Variants in GABRB1 observed in about 807,000 individuals in gnomAD.
GABRB1 encodes gamma-aminobutyric acid type A receptor subunit beta1.
Under a neutral mutation model 51.6 loss-of-function variants are expected in GABRB1, and 17 were observed. The ratio of observed to expected loss-of-function variants is 0.33; its 90% confidence interval spans 0.23 to 0.49. The LOEUF is 0.49. Among genes scored for constraint, GABRB1 ranks in the 20% least tolerant of loss-of-function variants. The pLI, the probability that GABRB1 is intolerant of heterozygous loss-of-function variation, is 0.99. For missense variants in GABRB1, 410 were observed against 600.6 expected, an observed-to-expected ratio of 0.68 and a Z score of 3.32; for synonymous variants, 247 against 218.9, an observed-to-expected ratio of 1.13 and a Z score of -1.14.
intron 4 of GABRB1, among the ~76,000 whole-genome samples, chr4:47,181,746 C>A (rs1299817918): frequency 6.6e-6 from 1 of 151,930 alleles, no homozygotes; most frequent in Admixed American, 6.6e-5. Flanking sequence ...TTACTATTTC[C>A]TCAAAGGCAA....
intron 1 of GABRB1, among the ~76,000 whole-genome samples, chr4:47,001,442 A>T (rs949242239): frequency 6.6e-6 from 1 of 152,144 alleles, no homozygotes; most frequent in Non-Finnish European, 1.5e-5. Flanking sequence ...ATGCCCGGCC[A>T]GATATTATTT....
chr4:47,414,714 A>G (rs1014358400), intron 8 of GABRB1, among the ~76,000 whole-genome samples: 1 of 152,130 alleles, frequency 6.6e-6, no homozygotes, highest in Non-Finnish European at 1.5e-5. Flanking sequence ...CTTCTCTCCC[A>G]TTCCTGTTCT....
At chr4:47,203,638 T>A (rs1308782321) in intron 4 of GABRB1, among the ~76,000 whole-genome samples, 1 of 151,934 alleles carries the variant, frequency 6.6e-6, no homozygotes, top group Non-Finnish European at 1.5e-5. Flanking sequence ...AACACAGAGG[T>A]GTCCTGCTTG....
At chr4:47,062,892 A>C (rs1025230113) in intron 3 of GABRB1, among the ~76,000 whole-genome samples, 5 of 152,176 alleles carry the variant, frequency 3.3e-5, no homozygotes, top group Non-Finnish European at 7.4e-5. Context: ...ACCACCACCC[A>C]AAACCAAGCC....
At chr4:46,999,511 A>G (rs1405132640) in intron 1 of GABRB1, among the ~76,000 whole-genome samples, 1 of 152,242 alleles carries the variant, frequency 6.6e-6, no homozygotes, top group Non-Finnish European at 1.5e-5. Context: ...TGGATACATT[A>G]CATTGTGGTG....
chr4:47,272,438 A>G (rs188629922), intron 4 of GABRB1, among the ~76,000 whole-genome samples: 1 of 152,266 alleles, frequency 6.6e-6, no homozygotes, highest in African/African-American at 2.4e-5. Context: ...TGGCATGATT[A>G]CATATGAAAA....
At chr4:47,358,128 T>C (rs544505813) in intron 5 of GABRB1, among the ~76,000 whole-genome samples, 5 of 152,200 alleles carry the variant, frequency 3.3e-5, no homozygotes, top group African/African-American at 1.2e-4. Flanking sequence ...AGAGCTAACA[T>C]TGAACTCAGC....
chr4:47,193,959 C>G (rs1719546357), intron 4 of GABRB1, among the ~76,000 whole-genome samples: 1 of 152,064 alleles, frequency 6.6e-6, no homozygotes, highest in South Asian at 2.1e-4. Flanking sequence ...ATGCAAAATG[C>G]ATTATTTCAG....
chr4:47,113,786 T>A (rs917435419), intron 3 of GABRB1, among the ~76,000 whole-genome samples: 1 of 152,254 alleles, frequency 6.6e-6, no homozygotes, highest in Non-Finnish European at 1.5e-5. Flanking sequence ...GTTTCACCAA[T>A]AAATCCAAAT....
intron 3 of GABRB1, among the ~76,000 whole-genome samples, chr4:47,097,118 T>A (rs1714479316): frequency 6.6e-6 from 1 of 152,186 alleles, no homozygotes; most frequent in Non-Finnish European, 1.5e-5. Flanking sequence ...TCTCTTCTAC[T>A]CAAAAGCAAG....
intron 3 of GABRB1, among the ~76,000 whole-genome samples, chr4:47,105,571 A>G (rs910841279): frequency 3.3e-5 from 5 of 152,172 alleles, no homozygotes; most frequent in Admixed American, 1.3e-4. Context: ...ACCAGTGGAG[A>G]TGTTATTTTC....
chr4:47,276,228 G>T (rs531206425), intron 4 of GABRB1, among the ~76,000 whole-genome samples: 2 of 152,146 alleles, frequency 1.3e-5, no homozygotes, highest in East Asian at 3.9e-4. Flanking sequence ...GCAATAATAT[G>T]AACATGCAAG....
At chr4:47,384,864 TA>T (rs1727731848) in intron 5 of GABRB1, among the ~76,000 whole-genome samples, 1 of 152,206 alleles carries the variant, frequency 6.6e-6, no homozygotes, top group African/African-American at 2.4e-5. Flanking sequence ...TTTTATTTTT[TA>T]AAATAAAGCA....
At chr4:47,087,178 C>T (rs1351780116) in intron 3 of GABRB1, among the ~76,000 whole-genome samples, 5 of 152,162 alleles carry the variant, frequency 3.3e-5, no homozygotes, top group African/African-American at 1.2e-4. Flanking sequence ...CAGGCTGTTA[C>T]TCCATCACCA....
At chr4:47,236,793 C>T (rs183407563) in intron 4 of GABRB1, among the ~76,000 whole-genome samples, 2 of 152,256 alleles carry the variant, frequency 1.3e-5, no homozygotes, top group East Asian at 3.9e-4. Flanking sequence ...TGTTCTTAAG[C>T]TCTCCATTTA....
At chr4:47,408,619 G>A (rs931636366) in intron 8 of GABRB1, among the ~76,000 whole-genome samples, 2 of 152,160 alleles carry the variant, frequency 1.3e-5, no homozygotes, top group African/African-American at 4.8e-5. Context: ...TGATCTTATT[G>A]TGAAAGAATA....
intron 4 of GABRB1, among the ~76,000 whole-genome samples, chr4:47,207,488 A>T (rs575108749): frequency 1.4e-3 from 217 of 152,182 alleles, no homozygotes; most frequent in African/African-American, 4.3e-3. Flanking sequence ...AACGTATTAT[A>T]CAATGAGATT....
chr4:47,102,013 ACT>A (rs1306722210), intron 3 of GABRB1, among the ~76,000 whole-genome samples: 1 of 151,848 alleles, frequency 6.6e-6, no homozygotes, highest in Non-Finnish European at 1.5e-5. Context: ...AATAAACTCC[ACT>A]CTCTGTTTTT....
intron 5 of GABRB1, among the ~76,000 whole-genome samples, chr4:47,342,117 T>A (rs1725922811): frequency 6.6e-6 from 1 of 152,198 alleles, no homozygotes; most frequent in Non-Finnish European, 1.5e-5. Flanking sequence ...ATGCTGTCAG[T>A]ATGTGAGGGG....
Sources: allele counts gnomAD v4.1 joint callset (sites outside exome capture counted in the v4.1 genomes callset), GRCh38; gene constraint gnomAD v4.1.1; transcripts MANE v1.5; gene names NCBI Gene and HGNC (gene_info 2026-07-23, HGNC 2026-07-21).